ZNF560: variants seen among roughly 807,000 people sequenced by gnomAD.
ZNF560 encodes zinc finger protein 560.
In ZNF560, 54 loss-of-function variants were observed where a neutral mutation model predicts 81.8. That is an observed-to-expected ratio of 0.66 (90% CI 0.53 to 0.83). The LOEUF (loss-of-function observed/expected upper bound fraction) is 0.83, where lower values mean the gene tolerates loss of function less well. Among genes scored for constraint, ZNF560 ranks in the 40% least tolerant of loss-of-function variants. ZNF560 has a pLI of 0.00. For synonymous variants in ZNF560, 321 were observed against 317.9 expected, an observed-to-expected ratio of 1.01 and a Z score of -0.10; for missense variants, 940 against 932.4, an observed-to-expected ratio of 1.01 and a Z score of -0.11.
chr19:9,469,416 A>C (rs1000002683), intron 8 of ZNF560, among the ~76,000 whole-genome samples: 1 of 152,236 alleles, frequency 6.6e-6, no homozygotes, highest in African/African-American at 2.4e-5. Flanking sequence ...AAAAGCATAC[A>C]ATAAATCCAT....
chr19:9,449,462 AAAAC>A, the ZNF560 span, among the ~76,000 whole-genome samples: 1 of 152,196 alleles, frequency 6.6e-6, no homozygotes, highest in Non-Finnish European at 1.5e-5. Context: ...TGAAGGCAAA[AAAAC>A]AAGATACCAA....
chr19:9,448,876 A>G, the ZNF560 span, among the ~76,000 whole-genome samples: 1 of 152,218 alleles, frequency 6.6e-6, no homozygotes, highest in South Asian at 2.1e-4. Flanking sequence ...AAGAGCACGG[A>G]TCATTATTCT....
downstream of ZNF560, among the ~76,000 whole-genome samples, chr19:9,461,472 T>A (rs1347625158): frequency 1.3e-5 from 2 of 152,210 alleles, no homozygotes; most frequent in Non-Finnish European, 2.9e-5. Context: ...CATTGCTACT[T>A]TAATCTTGAT....
At chr19:9,461,102 C>G in the ZNF560 span, among the ~76,000 whole-genome samples, 1 of 150,912 alleles carries the variant, frequency 6.6e-6, no homozygotes, top group African/African-American at 2.5e-5. Context: ...CTATTAATAG[C>G]TTTTGATAAG....
At chr19:9,501,801 G>A (rs1450093174), upstream of ZNF560, among the ~76,000 whole-genome samples, 1 of 151,906 alleles carries the variant, frequency 6.6e-6, no homozygotes, top group African/African-American at 2.4e-5. Context: ...CTCCCAGCAA[G>A]AGATATTTTT....
chr19:9,467,197 G>C lies in ZNF560; in HGVS notation c.1750C>G (p.Arg584Gly). The change falls in exon 10 of 10, where the codon CGC (arginine) becomes GGC (glycine). Residue 584 changes from arginine to glycine, a missense_variant. Coordinates refer to ENST00000301480, the MANE Select transcript of ZNF560 (RefSeq NM_152476.3). ...CGTAAATGTTTAGTAAGGTATGAGC[G>C]CTCAGTGAAGGCTTTCCCACATTTC... ...CMKCGKAFTERSYLTKHLRRH... is the reference protein window; with the variant it reads ...CMKCGKAFTEGSYLTKHLRRH... 6.2e-7 allele frequency: 1 copy of C among 1,613,790 alleles called. No individual in the cohort carries two copies. Among genetic ancestry groups the C allele is most frequent in the South Asian group, 1.1e-5 (1 of 91,066 alleles).
At chr19:9,450,623 G>C in the ZNF560 span, among the ~76,000 whole-genome samples, 2 of 152,000 alleles carry the variant, frequency 1.3e-5, no homozygotes, top group South Asian at 4.2e-4. Context: ...GCACGATCTC[G>C]GCTCACTGCA....
At chr19:9,486,610 G>A (rs984062318) in intron 2 of ZNF560, among the ~76,000 whole-genome samples, 1 of 151,994 alleles carries the variant, frequency 6.6e-6, no homozygotes, top group Non-Finnish European at 1.5e-5. Context: ...CGTGGTGGCA[G>A]GTGCCTGTAA....
chr19:9,454,584 G>T, the ZNF560 span, among the ~76,000 whole-genome samples: 4 of 152,194 alleles, frequency 2.6e-5, no homozygotes, highest in African/African-American at 9.6e-5. Flanking sequence ...ATTTGAGTCT[G>T]CCTCGGCAGC....
At chr19:9,464,495 AC>A (rs2072984555), downstream of ZNF560, among the ~76,000 whole-genome samples, 1 of 152,140 alleles carries the variant, frequency 6.6e-6, no homozygotes, top group South Asian at 2.1e-4. Flanking sequence ...CTGTTAGTGC[AC>A]CCTTTCTCCA....
the ZNF560 span, among the ~76,000 whole-genome samples, chr19:9,504,516 C>CA: frequency 6.6e-6 from 1 of 152,144 alleles, no homozygotes; most frequent in Non-Finnish European, 1.5e-5. Flanking sequence ...GAAGATGTTC[C>CA]ATGTGAACTT....
At chr19:9,504,743 C>T in the ZNF560 span, among the ~76,000 whole-genome samples, 1 of 152,112 alleles carries the variant, frequency 6.6e-6, no homozygotes, top group Admixed American at 6.6e-5. Context: ...TTGGTGCATG[C>T]ATGTTTATGA....
At position 9,467,677 on chromosome 19, in the gene ZNF560, TTA is replaced by T. The variant is rs753826698; in HGVS notation, c.1268_1269del (p.Ile423LysfsTer10). On this transcript the variant is annotated frameshift_variant, in exon 10 of 10. Transcript: ENST00000301480. LOFTEE classifies it high-confidence loss of function. Reference sequence around the variant, plus strand: ...AAGGTTTTCTCTCTGGCGTGACATCTTATATGTTCAATAAGGCCTGCAGATGT... The same window carrying T: ...AAGGTTTTCTCTCTGGCGTGACATCTTATGTTCAATAAGGCCTGCAGATGT... The part of the protein sequence containing the change: ...FGTSAGLIEH[I>X]RCHAREKTFK... The T allele has an allele frequency of 2.5e-5, 41 of 1,613,864 alleles. No individual in the cohort carries two copies. Among genetic ancestry groups the T allele is most frequent in the Non-Finnish European group, 3.3e-5 (39 of 1,180,010 alleles).
chr19:9,471,450 A>G, intron 5 of ZNF560, 72 bp from the exon 6 acceptor site: 2 of 976,816 alleles, frequency 2.0e-6, no homozygotes, highest in Non-Finnish European at 2.9e-6. Context: ...GTTAAAAATT[A>G]TAGGCCTCAT....
At chr19:9,494,130 CA>C (rs891546578) in intron 2 of ZNF560, among the ~76,000 whole-genome samples, 11,489 of 67,140 alleles carry the variant, frequency 0.17, 400 homozygotes, top group South Asian at 0.3. Flanking sequence ...GACTCCATCT[CA>C]AAAAAAAAAA....
At chr19:9,482,745 C>T (rs951332160) in intron 2 of ZNF560, among the ~76,000 whole-genome samples, 3 of 151,758 alleles carry the variant, frequency 2.0e-5, no homozygotes, top group East Asian at 1.9e-4. Flanking sequence ...ACCATCTCTG[C>T]TCACTGCAAC....
chr19:9,468,382 T>C (rs565328904), intron 9 of ZNF560, 48 bp from the exon 10 acceptor site: 1 of 1,351,154 alleles, frequency 7.4e-7, no homozygotes, highest in Non-Finnish European at 1.0e-6. Flanking sequence ...AGCAGACTTA[T>C]TAATAGATAC....
intron 2 of ZNF560, among the ~76,000 whole-genome samples, chr19:9,494,710 T>G (rs2073528805): frequency 6.9e-6 from 1 of 145,418 alleles, no homozygotes; most frequent in Non-Finnish European, 1.5e-5. Flanking sequence ...CACTCCACCC[T>G]GGGCGACAAG....
intron 2 of ZNF560, among the ~76,000 whole-genome samples, chr19:9,497,757 C>T (rs1031239460): frequency 6.6e-6 from 1 of 152,090 alleles, no homozygotes; most frequent in Non-Finnish European, 1.5e-5. Flanking sequence ...ACACTTAGTA[C>T]AGTCATCCTG....
Sources: allele counts gnomAD v4.1 joint callset (sites outside exome capture counted in the v4.1 genomes callset), GRCh38; gene constraint gnomAD v4.1.1; transcripts MANE v1.5; gene names NCBI Gene and HGNC (gene_info 2026-07-23, HGNC 2026-07-21).